Variants in LRRTM4 observed in about 807,000 individuals in gnomAD.
The protein encoded by LRRTM4 is leucine-rich repeat transmembrane neuronal protein 4.
Under a neutral mutation model 47.6 loss-of-function variants are expected in LRRTM4, and 25 were observed. The observed-to-expected ratio is 0.53, with a 90% confidence interval of 0.38 to 0.73. The LOEUF (loss-of-function observed/expected upper bound fraction) is 0.73. Among genes scored for constraint, LRRTM4 ranks in the 30% least tolerant of loss-of-function variants. The pLI is 0.00. For missense variants in LRRTM4, 638 were observed against 713.4 expected (o/e 0.89, Z 1.20); for synonymous variants, 311 against 269.5 (o/e 1.15, Z -1.51).
At chr2:77,213,106 G>A (rs376474871) in intron 3 of LRRTM4, among the ~76,000 whole-genome samples, 7 of 152,286 alleles carry the variant, frequency 4.6e-5, no homozygotes, top group African/African-American at 1.7e-4. Context: ...CTAGACAGCA[G>A]TTAACAACCG....
At chr2:76,754,879 A>C (rs1229276214) in intron 3 of LRRTM4, among the ~76,000 whole-genome samples, 1 of 152,196 alleles carries the variant, frequency 6.6e-6, no homozygotes, top group Non-Finnish European at 1.5e-5. Flanking sequence ...TAGACCAGCC[A>C]GTCTCTGCAG....
chr2:77,021,532 A>G (rs867950663), intron 3 of LRRTM4, among the ~76,000 whole-genome samples: 7 of 152,304 alleles, frequency 4.6e-5, no homozygotes, highest in Middle Eastern at 3.4e-3. Flanking sequence ...GTGATTATAC[A>G]TCTAGGCTTG....
At chr2:77,356,530 T>C (rs1671975255) in intron 3 of LRRTM4, among the ~76,000 whole-genome samples, 1 of 152,172 alleles carries the variant, frequency 6.6e-6, no homozygotes, top group Non-Finnish European at 1.5e-5. Context: ...GAAGAAGGTA[T>C]CTTCAATTTT....
At chr2:77,294,212 T>C (rs557373114) in intron 3 of LRRTM4, among the ~76,000 whole-genome samples, 4 of 152,192 alleles carry the variant, frequency 2.6e-5, no homozygotes, top group Non-Finnish European at 5.9e-5. Context: ...CGCAGTATAT[T>C]TGGAATAATA....
intron 3 of LRRTM4, among the ~76,000 whole-genome samples, chr2:77,182,073 A>G (rs1388110390): frequency 6.6e-6 from 1 of 152,226 alleles, no homozygotes; most frequent in Non-Finnish European, 1.5e-5. Flanking sequence ...ATTACTGGGT[A>G]TATACCCAAA....
chr2:77,221,249 A>G (rs1339298334), intron 3 of LRRTM4, among the ~76,000 whole-genome samples: 1 of 152,180 alleles, frequency 6.6e-6, no homozygotes, highest in African/African-American at 2.4e-5. Flanking sequence ...CACTGCAAAA[A>G]CATGCCAAAT....
chr2:77,032,063 A>G (rs1008444416), intron 3 of LRRTM4, among the ~76,000 whole-genome samples: 1 of 152,128 alleles, frequency 6.6e-6, no homozygotes, highest in Admixed American at 6.6e-5. Flanking sequence ...CCTGGTGCAA[A>G]CCACCATTAA....
chr2:77,124,078 G>A (rs114848753), intron 3 of LRRTM4, among the ~76,000 whole-genome samples: 4,696 of 152,128 alleles, frequency 0.031, 240 homozygotes, highest in African/African-American at 0.11. Context: ...CATTTTTCTA[G>A]TCATAGCCTT....
chr2:77,217,051 C>T lies in LRRTM4; in HGVS notation c.1551+301267G>A, dbSNP rs193225316. ...TTGCGCCACTGCACTGCAGCCTGGG[C>T]GACAGAGTGAGACTCTGTCAAAAAA... is the stretch of plus-strand genomic sequence containing the variant. On this transcript the variant is annotated intron_variant, in intron 3 of 3. Coordinates refer to ENST00000409884, the MANE Select transcript of LRRTM4 (RefSeq NM_001134745.3). Among the ~76,000 whole-genome samples, 204 of 139,992 alleles carry T rather than the reference C, an allele frequency of 1.5e-3. 1 individual carries two copies. Among genetic ancestry groups the T allele is most frequent in the African/African-American group, 4.6e-3 (167 of 36,354 alleles). 91.8% of individuals were successfully genotyped at this position (139,992 alleles called of 152,430 possible). A position where few individuals can be genotyped will look rare whatever the true frequency, so the allele number is the denominator to read the frequency against.
intron 3 of LRRTM4, among the ~76,000 whole-genome samples, chr2:77,174,064 G>A (rs1673126544): frequency 6.6e-6 from 1 of 151,956 alleles, no homozygotes; most frequent in Non-Finnish European, 1.5e-5. Flanking sequence ...CACCCCCTAA[G>A]GAGGGACCCT....
At chr2:76,917,505 T>C (rs1674293034) in intron 3 of LRRTM4, among the ~76,000 whole-genome samples, 2 of 152,112 alleles carry the variant, frequency 1.3e-5, no homozygotes, top group South Asian at 2.1e-4. Context: ...CATTTACCTA[T>C]ATAGAAAACT....
chr2:77,142,901 T>G (rs1032492935), intron 3 of LRRTM4, among the ~76,000 whole-genome samples: 2 of 152,176 alleles, frequency 1.3e-5, no homozygotes, highest in African/African-American at 4.8e-5. Context: ...CCAAGGTTAC[T>G]CCTCTTGTGA....
At chr2:76,863,399 G>A (rs1255726133) in intron 3 of LRRTM4, among the ~76,000 whole-genome samples, 1 of 152,122 alleles carries the variant, frequency 6.6e-6, no homozygotes, top group African/African-American at 2.4e-5. Context: ...GCCTTTTAGT[G>A]CTTATAATTC....
intron 3 of LRRTM4, among the ~76,000 whole-genome samples, chr2:77,064,819 G>T (rs958123146): frequency 6.6e-6 from 1 of 152,088 alleles, no homozygotes; most frequent in Non-Finnish European, 1.5e-5. Flanking sequence ...TCTGGGCCGT[G>T]CTTTTTTCGT....
At position 77,431,386 on chromosome 2, in the gene LRRTM4, G is replaced by A. The variant is rs369591990; in HGVS notation, c.1551+86932C>T. Among the ~76,000 whole-genome samples, 187 of 148,676 alleles carry A rather than the reference G, an allele frequency of 1.3e-3. 27 individuals are homozygous for A. Among genetic ancestry groups the A allele is most frequent in the African/African-American group, 4.7e-3 (181 of 38,226 alleles). ...TTTATGAGGGCTATGCTCATAACCT[G>A]ATCACATCCCACAAAACTCAACTTC... On this transcript the variant is annotated intron_variant, in intron 3 of 3. Coordinates refer to ENST00000409884, the MANE Select transcript of LRRTM4 (RefSeq NM_001134745.3).
At chr2:77,318,067 C>T (rs939377188) in intron 3 of LRRTM4, among the ~76,000 whole-genome samples, 1 of 135,792 alleles carries the variant, frequency 7.4e-6, no homozygotes, top group Admixed American at 8.2e-5. Context: ...AGTGCAGTGG[C>T]GCGATCTTGG....
At chr2:77,508,530 C>G (rs899056365) in intron 3 of LRRTM4, among the ~76,000 whole-genome samples, 9 of 152,118 alleles carry the variant, frequency 5.9e-5, no homozygotes, top group Non-Finnish European at 4.4e-5. Flanking sequence ...TTTGTTTTCT[C>G]AAGCAAATGT....
intron 3 of LRRTM4, among the ~76,000 whole-genome samples, chr2:77,408,185 C>T (rs1243293717): frequency 6.6e-6 from 1 of 152,158 alleles, no homozygotes; most frequent in African/African-American, 2.4e-5. Flanking sequence ...ATCCTGCCCC[C>T]CAGGGGGAGT....
In LRRTM4 at chr2:76,990,185, G is replaced by A. The variant is rs571107229; in HGVS notation, c.1552-241269C>T. The stretch of plus-strand genomic sequence containing the variant: ...ACACCTCTAATCCAATCTTAATTTT[G>A]TTTCCACCTATGAAAAAGTAGACTT... On this transcript the variant is annotated intron_variant, in intron 3 of 3. Transcript: ENST00000409884. Among the ~76,000 whole-genome samples, 14 of 151,674 alleles carry A rather than the reference G, an allele frequency of 9.2e-5. No individual in the cohort carries two copies. The East Asian group carries it at 1.4e-3, about 15-fold the overall frequency.
Sources: gnomAD v4.1 joint callset for allele counts (sites outside exome capture counted in the v4.1 genomes callset) on GRCh38, gnomAD v4.1.1 for gene constraint, MANE v1.5 for transcripts, NCBI Gene and HGNC (gene_info 2026-07-23, HGNC 2026-07-21) for gene names.